Variants in DSCAM observed in about 807,000 individuals in gnomAD.
DSCAM encodes cell adhesion molecule DSCAM.
A neutral mutation model predicts 217.7 loss-of-function variants in DSCAM; 47 were observed. The observed-to-expected ratio is 0.22, with a 90% CI of 0.17 to 0.28. The LOEUF is 0.28. Among genes scored for constraint, DSCAM ranks in the 10% least tolerant of loss-of-function variants. DSCAM has a pLI of 1.00. For missense variants in DSCAM, 2,080 were observed against 2,618.3 expected (o/e 0.79, Z 4.49); for synonymous variants, 1,056 against 1,015.3 (o/e 1.04, Z -0.76).
chr21:40,307,765 G>A (rs529899973), intron 9 of DSCAM, among the ~76,000 whole-genome samples: 5 of 152,186 alleles, frequency 3.3e-5, no homozygotes, highest in East Asian at 1.9e-4. Flanking sequence ...AAAAAATGAT[G>A]AGTTCATGTC....
chr21:40,029,536 A>G (rs2088477934), intron 32 of DSCAM, among the ~76,000 whole-genome samples: 1 of 151,866 alleles, frequency 6.6e-6, no homozygotes, highest in Non-Finnish European at 1.5e-5. Context: ...GGATCCATTC[A>G]TCTTGCATCA....
intron 6 of DSCAM, 61 bp downstream of exon 6, chr21:40,347,609 T>C (rs746480122): frequency 5.0e-6 from 8 of 1,602,660 alleles, no homozygotes; most frequent in Non-Finnish European, 6.8e-6. Context: ...GTCTTCTTCT[T>C]TTCTGAGTGC....
chr21:40,462,702 G>A (rs558748204), intron 3 of DSCAM, among the ~76,000 whole-genome samples: 3 of 152,210 alleles, frequency 2.0e-5, no homozygotes, highest in South Asian at 4.2e-4. Flanking sequence ...TAGATACCTG[G>A]GTTCCATCCC....
intron 1 of DSCAM, among the ~76,000 whole-genome samples, chr21:40,827,926 A>T (rs1406027694): frequency 6.6e-6 from 1 of 152,260 alleles, no homozygotes; most frequent in African/African-American, 2.4e-5. Flanking sequence ...AAGCACTAGT[A>T]TACTCAATTC....
chr21:40,415,110 T>C (rs1033848466), intron 3 of DSCAM, among the ~76,000 whole-genome samples: 12 of 152,234 alleles, frequency 7.9e-5, no homozygotes, highest in South Asian at 6.2e-4. Flanking sequence ...GTTTTTCACA[T>C]GTTAGGTACT....
chr21:40,064,174 C>CAT (rs780220484), intron 27 of DSCAM, among the ~76,000 whole-genome samples: 9 of 73,088 alleles, frequency 1.2e-4, no homozygotes, highest in East Asian at 8.4e-4. Flanking sequence ...TATATACATA[C>CAT]ACACACACAC....
rs151320419 is a variant in DSCAM, at chr21:40,828,832, T to C, written c.43+17787A>G. ...CACCACACCTAGCTAATTTTTGTAG[T>C]TTTTTAGTATAGATGGGGTTTCACC... is the stretch of plus-strand genomic sequence containing the variant. On this transcript the variant is annotated intron_variant, in intron 1 of 32. Transcript: ENST00000400454. Among the ~76,000 whole-genome samples the C allele has an allele frequency of 6.1e-3, 934 of 152,088 alleles. 16 individuals are homozygous for C. The highest frequency in any genetic ancestry group is 0.022 in the African/African-American group (895 of 41,500).
intron 25 of DSCAM, 106 bp downstream of exon 25, chr21:40,080,046 G>T: frequency 9.0e-7 from 1 of 1,107,410 alleles, no homozygotes; most frequent in Non-Finnish European, 1.3e-6. Context: ...GAATGACAAA[G>T]TTCAAACACA....
intron 3 of DSCAM, among the ~76,000 whole-genome samples, chr21:40,631,593 T>C (rs1037862549): frequency 4.6e-5 from 7 of 152,154 alleles, no homozygotes; most frequent in African/African-American, 1.4e-4. Flanking sequence ...AGTCATGGAA[T>C]TGGTGAGAAG....
intron 1 of DSCAM, among the ~76,000 whole-genome samples, chr21:40,769,895 C>T (rs890521919): frequency 2.6e-5 from 4 of 152,156 alleles, no homozygotes; most frequent in African/African-American, 9.7e-5. Flanking sequence ...TTGATGTCTC[C>T]TGTAAATAAT....
At chr21:40,681,767 T>C (rs2090403398) in intron 3 of DSCAM, among the ~76,000 whole-genome samples, 1 of 152,108 alleles carries the variant, frequency 6.6e-6, no homozygotes, top group Non-Finnish European at 1.5e-5. Flanking sequence ...AATATGACTG[T>C]TGGCTTTATT....
At chr21:40,175,902 C>T (rs1267138374) in intron 15 of DSCAM, among the ~76,000 whole-genome samples, 3 of 151,830 alleles carry the variant, frequency 2.0e-5, no homozygotes, top group Non-Finnish European at 4.4e-5. Flanking sequence ...ACGTTCATCT[C>T]ATACTTTCAT....
chr21:40,390,702 C>T (rs1407620846), intron 3 of DSCAM, among the ~76,000 whole-genome samples: 3 of 152,088 alleles, frequency 2.0e-5, no homozygotes, highest in Non-Finnish European at 4.4e-5. Context: ...TTCCAATCTC[C>T]ACCTCTATCT....
chr21:40,642,483 A>G (rs2089894887), intron 3 of DSCAM, among the ~76,000 whole-genome samples: 1 of 152,002 alleles, frequency 6.6e-6, no homozygotes, highest in Admixed American at 6.6e-5. Flanking sequence ...AAAAAGAGAA[A>G]TTTTTCTGCC....
At chr21:40,263,939 C>T (rs915375463) in intron 11 of DSCAM, among the ~76,000 whole-genome samples, 1 of 151,948 alleles carries the variant, frequency 6.6e-6, no homozygotes, top group African/African-American at 2.4e-5. Context: ...TGGACACAAA[C>T]TAGAAAATCT....
chr21:40,629,705 G>A (rs560471539), intron 3 of DSCAM: 1 of 152,302 alleles, frequency 6.6e-6, no homozygotes, highest in Non-Finnish European at 1.5e-5. Flanking sequence ...CGAAGGTGCT[G>A]AAGGTTGTTA....
chr21:40,805,452 CAGT>C (rs1189184802), intron 1 of DSCAM, among the ~76,000 whole-genome samples: 2 of 152,166 alleles, frequency 1.3e-5, no homozygotes, highest in African/African-American at 4.8e-5. Context: ...GACTGGAAGG[CAGT>C]AGAAGAGTAA....
At chr21:40,839,812 TACTC>T (rs1232976242) in intron 1 of DSCAM, among the ~76,000 whole-genome samples, 1 of 152,168 alleles carries the variant, frequency 6.6e-6, no homozygotes, top group Non-Finnish European at 1.5e-5. Context: ...TCTTAAATCT[TACTC>T]ACTGTCTTCT....
intron 11 of DSCAM, 32 bp from the exon 12 acceptor site, chr21:40,189,270 G>A (rs955061619): frequency 3.3e-6 from 5 of 1,495,786 alleles, no homozygotes; most frequent in Non-Finnish European, 3.6e-6. Flanking sequence ...AACTTGTTCA[G>A]CAAAGCAGGG....
Sources: allele counts gnomAD v4.1 joint callset (sites outside exome capture counted in the v4.1 genomes callset), GRCh38; gene constraint gnomAD v4.1.1; transcripts MANE v1.5; gene names NCBI Gene and HGNC (gene_info 2026-07-23, HGNC 2026-07-21).